OTOP3: variants seen among roughly 807,000 people sequenced by gnomAD.
The protein encoded by OTOP3 is proton channel OTOP3.
In OTOP3, 41 loss-of-function variants were observed where a neutral mutation model predicts 50.8. That is an observed-to-expected ratio of 0.81 (90% CI 0.63 to 1.05). The LOEUF is 1.05. Ranked by LOEUF, OTOP3 falls within the 50% of genes least tolerant of loss-of-function variation. The pLI is 0.00. For synonymous variants in OTOP3, 320 were observed against 324.4 expected, an observed-to-expected ratio of 0.99 and a Z score of 0.14; for missense variants, 788 against 760.8, an observed-to-expected ratio of 1.04 and a Z score of -0.42.
intron 6 of OTOP3, among the ~76,000 whole-genome samples, chr17:74,948,897 A>G (rs2039254323): frequency 6.6e-6 from 1 of 152,206 alleles, no homozygotes; most frequent in Admixed American, 6.5e-5. Context: ...GCCCGAGCTC[A>G]GGGTACAGGG....
At chr17:74,942,121 T>C in intron 3 of OTOP3, 84 bp downstream of exon 3, 1 of 1,487,424 alleles carries the variant, frequency 6.7e-7, no homozygotes, top group South Asian at 1.3e-5. Context: ...TACCTATGCC[T>C]AGGAACAGCC....
intron 6 of OTOP3, among the ~76,000 whole-genome samples, chr17:74,948,939 G>A (rs750582964): frequency 2.6e-5 from 4 of 152,236 alleles, no homozygotes; most frequent in Non-Finnish European, 5.9e-5. Context: ...AGCAGGTGGC[G>A]CGCTGGGAAT....
In OTOP3 at chr17:74,946,103, G is replaced by A. The variant is rs572682405; in HGVS notation, c.752-558G>A. On this transcript the variant is annotated intron_variant, in intron 5 of 6. Coordinates refer to ENST00000328801, the MANE Select transcript of OTOP3 (RefSeq NM_001272005.2). ...AGCCATTCTTCTGCCTCAGCCTCCC[G>A]AGTAGCTGGGATTACAGGCACGTGC... Among the ~76,000 whole-genome samples, 590 of 151,934 alleles carry A rather than the reference G, an allele frequency of 3.9e-3. 1 individual carries two copies. Among genetic ancestry groups the A allele is most frequent in the Non-Finnish European group, 6.8e-3 (463 of 67,992 alleles).
intron 6 of OTOP3, among the ~76,000 whole-genome samples, chr17:74,948,840 A>AAAAT (rs1227303764): frequency 6.6e-6 from 1 of 152,170 alleles, no homozygotes; most frequent in Non-Finnish European, 1.5e-5. Context: ...CTGTCTCAAA[A>AAAAT]AAATAAATAA....
intron 5 of OTOP3, among the ~76,000 whole-genome samples, chr17:74,946,023 G>A (rs1325624347): frequency 6.6e-6 from 1 of 151,838 alleles, no homozygotes; most frequent in African/African-American, 2.4e-5. Context: ...TGTCGCCCAG[G>A]CTGGAGTGCA....
intron 1 of OTOP3, among the ~76,000 whole-genome samples, chr17:74,936,938 T>C (rs1416087933): frequency 6.8e-6 from 1 of 147,866 alleles, no homozygotes; most frequent in Non-Finnish European, 1.5e-5. Flanking sequence ...AAGCCCCTAT[T>C]CGGCATTCAT....
intron 3 of OTOP3, among the ~76,000 whole-genome samples, chr17:74,942,523 C>G (rs1329781751): frequency 6.6e-6 from 1 of 152,002 alleles, no homozygotes; most frequent in Non-Finnish European, 1.5e-5. Flanking sequence ...CCCAGCTACT[C>G]GGGAGGCTGA....
chr17:74,945,422 C>G (rs374984114), intron 5 of OTOP3, among the ~76,000 whole-genome samples: 2 of 152,312 alleles, frequency 1.3e-5, no homozygotes, highest in African/African-American at 4.8e-5. Context: ...TTCAAACATG[C>G]AATGCATTTG....
chr17:74,936,081 G>A, intron 1 of OTOP3, 141 bp downstream of exon 1: 1 of 1,353,460 alleles, frequency 7.4e-7, no homozygotes, highest in Middle Eastern at 2.5e-4. Flanking sequence ...GTGGAGAGGT[G>A]AACTCCCTTT....
chr17:74,949,524 C>T lies in OTOP3; in HGVS notation c.*108C>T, dbSNP rs1316774808. On this transcript the variant is annotated 3_prime_UTR_variant, in exon 7 of 7. Transcript: ENST00000328801. ...GAGGTGCCGAGACCAGCCTGAGGCT[C>T]TCAAGGCCTCCTGCTCCCCAGAGCC... 8.6e-6 allele frequency: 11 copies of T among 1,278,736 alleles called. No homozygotes were observed. The highest frequency in any genetic ancestry group is 2.5e-5 in the East Asian group (1 of 40,448). 79.2% of individuals were successfully genotyped at this position (1,278,736 alleles called of 1,614,324 possible).
chr17:74,935,968 C>A (rs1302574343), intron 1 of OTOP3, 28 bp downstream of exon 1: 5 of 1,539,696 alleles, frequency 3.2e-6, no homozygotes, highest in Non-Finnish European at 4.4e-6. Context: ...GCGGAACTTT[C>A]CCAGCTTGCG....
chr17:74,935,917 C>A lies in OTOP3; in HGVS notation c.-5C>A. ...GCGCCCGCAGTCGGTGGTTAGCCCA[C>A]GGCGATGCCTCTCCCGGCCTCAGGT... On this transcript the variant is annotated 5_prime_UTR_variant, in exon 1 of 7. Coordinates refer to ENST00000328801, the MANE Select transcript of OTOP3 (RefSeq NM_001272005.2). 1 of 1,546,000 alleles carries A rather than the reference C, an allele frequency of 6.5e-7. No individual in the cohort carries two copies. Among genetic ancestry groups the A allele is most frequent in the Non-Finnish European group, 8.7e-7 (1 of 1,146,728 alleles).
At position 74,949,276 on chromosome 17, in the gene OTOP3, C is replaced by T. The variant is rs751028870; in HGVS notation, c.1597C>T (p.Pro533Ser). The T allele has an allele frequency of 3.1e-6, 5 of 1,613,930 alleles. No homozygotes were observed. The highest frequency in any genetic ancestry group is 4.2e-6 in the Non-Finnish European group (5 of 1,179,994). The change falls in exon 7 of 7, where the codon CCG becomes TCG. Residue 533 changes from proline (P) to serine (S), a missense_variant. Physicochemically the swap from Pro to Ser is moderately conservative, Grantham distance 74. Coordinates refer to ENST00000328801, the MANE Select transcript of OTOP3 (RefSeq NM_001272005.2). Reference protein sequence around the residue: ...LWMMPAFGIHPEFENGLEKDF... With the variant: ...LWMMPAFGIHSEFENGLEKDF... ...GATGATGCCTGCATTTGGCATACAC[C>T]CGGAGTTTGAGAACGGGCTAGAAAA...
At position 74,939,490 on chromosome 17, in the gene OTOP3, C is replaced by T. The variant is rs373642756; in HGVS notation, c.20-1903C>T. Among the ~76,000 whole-genome samples the T allele has an allele frequency of 2.7e-4, 41 of 152,216 alleles. No homozygotes were observed. The South Asian group carries it at 6.2e-3, about 23-fold the overall frequency. On this transcript the variant is annotated intron_variant, in intron 1 of 6. Transcript: ENST00000328801. The stretch of plus-strand genomic sequence containing the variant: ...CCACCAGGAGAGCACCCAGAAGCAG[C>T]AGAACCATCCCCACTCTCAACAGCA...
At chr17:74,936,596 G>A (rs73997570) in intron 1 of OTOP3, among the ~76,000 whole-genome samples, 2,637 of 152,258 alleles carry the variant, frequency 0.017, 81 homozygotes, top group African/African-American at 0.06. Flanking sequence ...TGCCCAGCCC[G>A]GGACCAAATT....
In OTOP3 at chr17:74,941,018, G is replaced by A. The variant is rs990215223; in HGVS notation, c.20-375G>A. On this transcript the variant is annotated intron_variant, in intron 1 of 6. Transcript: ENST00000328801. ...AGAAGTGAAAGTCCTACCAGAAGGC[G>A]GAAGGACACCGCTGCCTTTTCATGG... Among the ~76,000 whole-genome samples, 6 of 152,064 alleles carry A rather than the reference G, an allele frequency of 3.9e-5. No homozygotes were observed. The East Asian group carries it at 5.8e-4, about 15-fold the overall frequency.
intron 6 of OTOP3, among the ~76,000 whole-genome samples, chr17:74,947,834 C>T (rs4789112): frequency 0.39 from 59,765 of 152,134 alleles, 12,957 homozygotes; most frequent in Non-Finnish European, 0.48. Context: ...CAGCTTCTGG[C>T]GGAAGTCCCA....
Position 74,949,765 on chromosome 17 carries a change from T to G in OTOP3, c.*349T>G. The G allele has an allele frequency of 5.0e-6, 1 of 201,868 alleles. No individual in the cohort carries two copies. Among genetic ancestry groups the G allele is most frequent in the South Asian group, 1.5e-4 (1 of 6,752 alleles). The allele number at this position is 201,868 out of a possible 1,614,324, so 12.5% of individuals were successfully genotyped here. ...CCTACATGACCGAGTCTGGGGAGCT[T>G]GGCGAGGGGCACCCCTCTCCAGCCA... On this transcript the variant is annotated 3_prime_UTR_variant, in exon 7 of 7. Coordinates refer to ENST00000328801, the MANE Select transcript of OTOP3 (RefSeq NM_001272005.2).
chr17:74,943,238 T>C (rs1228865804), intron 3 of OTOP3, 48 bp from the exon 4 acceptor site: 2 of 1,563,174 alleles, frequency 1.3e-6, no homozygotes, highest in Non-Finnish European at 1.8e-6. Flanking sequence ...CACACTGTGG[T>C]CCCACCACCT....
Sources: allele counts gnomAD v4.1 joint callset (sites outside exome capture counted in the v4.1 genomes callset), GRCh38; gene constraint gnomAD v4.1.1; transcripts MANE v1.5; gene names NCBI Gene and HGNC (gene_info 2026-07-23, HGNC 2026-07-21).